CD5: variants seen among roughly 807,000 people sequenced by gnomAD.
The protein encoded by CD5 is CD5 molecule.
CD5 carries 36 observed loss-of-function variants against 60.3 expected under a neutral mutation model. The ratio of observed to expected loss-of-function variants is 0.60; its 90% CI spans 0.46 to 0.79. The LOEUF (loss-of-function observed/expected upper bound fraction) is 0.79. Among genes scored for constraint, CD5 ranks in the 30% least tolerant of loss-of-function variants. CD5 has a pLI of 0.00. For missense variants in CD5, 540 were observed against 630.6 expected (o/e 0.86, Z 1.54); for synonymous variants, 230 against 257.6 (o/e 0.89, Z 1.03).
intron 1 of CD5, among the ~76,000 whole-genome samples, chr11:61,104,010 TGA>T (rs1459883619): frequency 1.4e-5 from 2 of 147,026 alleles, no homozygotes; most frequent in African/African-American, 5.1e-5. Flanking sequence ...AGTCTGTGTG[TGA>T]GTCTGTGTTC....
Position 61,118,166 on chromosome 11 carries a change from G to T in CD5, c.95-9G>T. ...AGCCTGACCCCCACCACACCTTTCT[G>T]ACCCCCAGATTTCCAGGCAAGGCTC... On this transcript the variant is annotated splice_polypyrimidine_tract_variant and intron_variant, in intron 2 of 10. Coordinates refer to ENST00000347785, the MANE Select transcript of CD5 (RefSeq NM_014207.4). The surrounding 1 kb of genome is among the most constrained non-coding windows in gnomAD (Gnocchi z 4.7). 1 of 1,611,186 alleles carries T rather than the reference G, an allele frequency of 6.2e-7. No individual in the cohort carries two copies. Among genetic ancestry groups the T allele is most frequent in the South Asian group, 1.1e-5 (1 of 90,900 alleles).
intron 1 of CD5, among the ~76,000 whole-genome samples, chr11:61,111,145 T>C (rs1245343050): frequency 6.6e-6 from 1 of 152,218 alleles, no homozygotes; most frequent in African/African-American, 2.4e-5. Flanking sequence ...CTGCCAAGAT[T>C]GTCAGGCCCA....
intron 1 of CD5, among the ~76,000 whole-genome samples, chr11:61,106,189 GGA>G (rs1860776481): frequency 6.7e-6 from 1 of 150,324 alleles, no homozygotes; most frequent in Admixed American, 6.6e-5. Flanking sequence ...AGTGCAATGA[GGA>G]GAACAGCAAG....
chr11:61,105,826 A>C (rs1393659540), intron 1 of CD5, among the ~76,000 whole-genome samples: 1 of 152,188 alleles, frequency 6.6e-6, no homozygotes, highest in African/African-American at 2.4e-5. Flanking sequence ...AGAGAACACA[A>C]GTAAACAAGC....
At chr11:61,105,786 AG>A (rs1328674794) in intron 1 of CD5, among the ~76,000 whole-genome samples, 2 of 152,284 alleles carry the variant, frequency 1.3e-5, no homozygotes, top group East Asian at 3.9e-4. Flanking sequence ...CCTGCCCTCA[AG>A]GATTTGATCA....
chr11:61,124,140 G>C (rs897062582), intron 8 of CD5, among the ~76,000 whole-genome samples: 3 of 152,096 alleles, frequency 2.0e-5, no homozygotes, highest in Non-Finnish European at 4.4e-5. Context: ...GCTGATGGCT[G>C]AGCGGTTTCT....
At chr11:61,101,309 G>A (rs1860679962), upstream of CD5, among the ~76,000 whole-genome samples, 1 of 108,656 alleles carries the variant, frequency 9.2e-6, no homozygotes, top group African/African-American at 3.3e-5. Flanking sequence ...CATCAACATG[G>A]AGATTACACA....
At chr11:61,100,360 TCA>T (rs1860650857), upstream of CD5, among the ~76,000 whole-genome samples, 1 of 35,682 alleles carries the variant, frequency 2.8e-5, no homozygotes, top group Non-Finnish European at 5.3e-5. Flanking sequence ...TGGAGATCAC[TCA>T]CACACATCAA....
Position 61,119,423 on chromosome 11 carries a change from C to T in CD5, c.653C>T (p.Ala218Val). The T allele has an allele frequency of 1.9e-6, 3 of 1,614,170 alleles. No individual in the cohort carries two copies. Among genetic ancestry groups the T allele is most frequent in the South Asian group, 2.2e-5 (2 of 91,084 alleles). ...TTGAAGCATCTGCCAGAGACTGAGG[C>T]AGGCAGAGCCCAAGACCCAGGGGAG... ...SFLKHLPETE[A>V]GRAQDPGEPR... The change falls in exon 5 of 11, where the codon GCA becomes GTA. Residue 218 changes from alanine (A) to valine (V), a missense_variant. By Grantham distance (64) the Ala-to-Val change is moderately conservative. Coordinates refer to ENST00000347785, the MANE Select transcript of CD5 (RefSeq NM_014207.4).
upstream of CD5, among the ~76,000 whole-genome samples, chr11:61,099,409 T>TCACACACACACATCAACATGGAGATCACA (rs111843769): frequency 1.2e-4 from 15 of 128,262 alleles, no homozygotes; most frequent in African/African-American, 4.5e-4. Flanking sequence ...AACATGGAAA[T>TCACACACACACATCAACATGGAGATCACA]CACACACATC....
the CD5 span, among the ~76,000 whole-genome samples, chr11:61,096,913 G>C: frequency 6.6e-6 from 1 of 152,142 alleles, no homozygotes; most frequent in African/African-American, 2.4e-5. Context: ...GCTCTCGAAG[G>C]AATCCAGGTT....
rs139566356 is a variant in CD5, at chr11:61,118,586, G to A, written c.400+106G>A. The A allele has an allele frequency of 2.5e-4, 295 of 1,187,776 alleles. 3 individuals carry two copies. In the African/African-American group the frequency reaches 3.9e-3, roughly 16 times the overall value. 73.6% of individuals were successfully genotyped at this position (1,187,776 alleles called of 1,614,324 possible). On this transcript the variant is annotated intron_variant, in intron 3 of 10. Coordinates refer to ENST00000347785, the MANE Select transcript of CD5 (RefSeq NM_014207.4). The surrounding 1 kb of genome is among the most constrained non-coding windows in gnomAD (Gnocchi z 4.7). ...GTCTGAGCAGGCTGGTGGAAGGGGT[G>A]GGGGGACCCCAGTTTATAACCACTC...
chr11:61,125,216 C>T (rs1861130544), intron 9 of CD5, 65 bp downstream of exon 9: 8 of 1,591,980 alleles, frequency 5.0e-6, no homozygotes, highest in East Asian at 2.2e-5. Flanking sequence ...AGGCAGGTCA[C>T]GTGATGCCCT....
chr11:61,122,354 C>CGGTG (rs1861076353), intron 6 of CD5, among the ~76,000 whole-genome samples: 2 of 74,498 alleles, frequency 2.7e-5, no homozygotes, highest in Non-Finnish European at 5.5e-5. Context: ...ATGGATGGAT[C>CGGTG]GGTGGGTGGG....
At chr11:61,103,764 G>A (rs1480869522) in intron 1 of CD5, among the ~76,000 whole-genome samples, 1 of 138,130 alleles carries the variant, frequency 7.2e-6, no homozygotes, top group East Asian at 2.2e-4. Context: ...GAGTCTCTGG[G>A]CATGTGTGTG....
chr11:61,096,970 C>T, the CD5 span, among the ~76,000 whole-genome samples: 1 of 152,184 alleles, frequency 6.6e-6, no homozygotes, highest in Non-Finnish European at 1.5e-5. Flanking sequence ...CCTTGCCAGT[C>T]TCCACGGAAC....
Position 61,121,767 on chromosome 11 carries a change from G to A in CD5, c.962G>A (p.Cys321Tyr). Residue 321 changes from cysteine (C) to tyrosine (Y), a missense_variant, in exon 6 of 11, where the codon TGT (cysteine) becomes TAT (tyrosine). Physicochemically the swap from Cys to Tyr is radical, Grantham distance 194. Transcript: ENST00000347785. ...GAGGAGGTGTGCCGGGAGCAGCAGT[G>A]TGGCAGCGTCAACTCCTATCGAGTG... Reference protein sequence around the residue: ...RWEEVCREQQCGSVNSYRVLD... With the variant: ...RWEEVCREQQYGSVNSYRVLD... 1 of 1,612,402 alleles carries A rather than the reference G, an allele frequency of 6.2e-7. No homozygotes were observed. Among genetic ancestry groups the A allele is most frequent in the Non-Finnish European group, 8.5e-7 (1 of 1,178,826 alleles).
intron 1 of CD5, 21 bp from the exon 2 acceptor site, chr11:61,115,035 C>T (rs1176079532): frequency 6.4e-7 from 1 of 1,553,038 alleles, no homozygotes; most frequent in Admixed American, 1.9e-5. Flanking sequence ...ACTTCCTGAC[C>T]CTCCTCTCTT....
At chr11:61,124,810 T>C (rs1477481711) in intron 8 of CD5, among the ~76,000 whole-genome samples, 2 of 151,886 alleles carry the variant, frequency 1.3e-5, no homozygotes, top group African/African-American at 4.8e-5. Flanking sequence ...CCAGTCAGAT[T>C]GCTGGGTTAC....
Sources: allele counts gnomAD v4.1 joint callset (sites outside exome capture counted in the v4.1 genomes callset), GRCh38; gene constraint gnomAD v4.1.1; non-coding constraint Gnocchi (gnomAD v3.1); transcripts MANE v1.5; gene names NCBI Gene and HGNC (gene_info 2026-07-23, HGNC 2026-07-21).